The following NPSR1 variants were observed in gnomAD, a reference collection of about 807,000 sequenced individuals.
NPSR1 encodes neuropeptide S receptor 1.
NPSR1 carries 48 observed loss-of-function variants against 46.9 expected under a neutral mutation model. The ratio of observed to expected loss-of-function variants is 1.02; its 90% CI spans 0.81 to 1.30. The LOEUF (loss-of-function observed/expected upper bound fraction) is 1.30. Among genes scored for constraint, NPSR1 ranks in the 50% most tolerant of loss-of-function variants. The probability of loss-of-function intolerance (pLI) is 0.00; values close to 1 mark genes in which losing one functional copy is unlikely to be tolerated. For missense variants in NPSR1, 450 were observed against 449.5 expected, an observed-to-expected ratio of 1.00 and a Z score of -0.01; for synonymous variants, 176 against 168.1, an observed-to-expected ratio of 1.05 and a Z score of -0.36.
At chr7:34,680,942 T>G (rs1320650601) in intron 1 of NPSR1, among the ~76,000 whole-genome samples, 201 of 109,956 alleles carry the variant, frequency 1.8e-3, no homozygotes, top group African/African-American at 5.7e-3. Context: ...TGATAAAGGT[T>G]TTTTTTTTTT....
At chr7:34,687,634 C>G (rs908975602) in intron 2 of NPSR1, among the ~76,000 whole-genome samples, 8 of 152,136 alleles carry the variant, frequency 5.3e-5, no homozygotes, top group Non-Finnish European at 8.8e-5. Flanking sequence ...ATTACCTCCA[C>G]CTGGTCCTGC....
chr7:34,761,106 C>T (rs1036020212), intron 2 of NPSR1: 1 of 152,826 alleles, frequency 6.5e-6, no homozygotes, highest in Non-Finnish European at 1.5e-5. Context: ...CCCCTTCCTC[C>T]CTTACCTCCT....
intron 2 of NPSR1, among the ~76,000 whole-genome samples, chr7:34,762,407 A>T (rs548074282): frequency 6.6e-6 from 1 of 152,266 alleles, no homozygotes; most frequent in Admixed American, 6.5e-5. Flanking sequence ...AAACATAGAC[A>T]TATACTTTTG....
intron 2 of NPSR1, among the ~76,000 whole-genome samples, chr7:34,690,726 G>A (rs1028787459): frequency 2.0e-5 from 3 of 152,066 alleles, no homozygotes; most frequent in Admixed American, 6.6e-5. Flanking sequence ...TGATAAATAC[G>A]GGATTATGTA....
At chr7:34,810,418 A>G (rs946857748) in intron 3 of NPSR1, among the ~76,000 whole-genome samples, 55 of 152,196 alleles carry the variant, frequency 3.6e-4, no homozygotes, top group African/African-American at 1.3e-3. Context: ...TAATTATGCA[A>G]AAAAAGATTG....
At chr7:34,871,065 A>C (rs1364654318) in intron 8 of NPSR1, among the ~76,000 whole-genome samples, 1 of 151,826 alleles carries the variant, frequency 6.6e-6, no homozygotes, top group Non-Finnish European at 1.5e-5. Flanking sequence ...TGATATAAAC[A>C]AGTATCTGGG....
Position 34,738,327 on chromosome 7 carries a change from T to G in NPSR1, c.281-40135T>G, listed in dbSNP as rs1412312195. Among the ~76,000 whole-genome samples, 3 of 152,314 alleles carry G rather than the reference T, an allele frequency of 2.0e-5. No homozygotes were observed. In the East Asian group the frequency reaches 5.8e-4, roughly 29 times the overall value. On this transcript the variant is annotated intron_variant, in intron 2 of 8. Transcript: ENST00000360581. ...GTAAAACAATCTGGGCCTGATGCTT[T>G]CTTTCTAGGAATATTTTACACTAAC...
intron 4 of NPSR1, among the ~76,000 whole-genome samples, chr7:34,815,630 T>TAAAATGAAGGAA (rs1789208823): frequency 6.6e-6 from 1 of 151,956 alleles, no homozygotes; most frequent in Non-Finnish European, 1.5e-5. Flanking sequence ...TCACCAAGGT[T>TAAAATGAAGGAA]AAAATGAAGG....
intron 8 of NPSR1, among the ~76,000 whole-genome samples, chr7:34,857,400 C>A (rs776116699): frequency 6.6e-6 from 1 of 151,650 alleles, no homozygotes; most frequent in African/African-American, 2.4e-5. Flanking sequence ...GTGGTATGGG[C>A]GCTAAAGTAG....
At chr7:34,784,434 G>T (rs544046056) in intron 3 of NPSR1, among the ~76,000 whole-genome samples, 2 of 152,060 alleles carry the variant, frequency 1.3e-5, no homozygotes, top group African/African-American at 2.4e-5. Context: ...TGCATCTATT[G>T]AGATAATCAT....
intron 3 of NPSR1, among the ~76,000 whole-genome samples, chr7:34,792,719 A>ATATATGTATATATATATTTTTT (rs1787983505): frequency 8.1e-6 from 1 of 123,386 alleles, no homozygotes; most frequent in Non-Finnish European, 1.7e-5. Context: ...ATATATTTAT[A>ATATATGTATATATATATTTTTT]TATATATATA....
chr7:34,830,069 T>C (rs993050030), intron 5 of NPSR1, among the ~76,000 whole-genome samples: 2 of 152,244 alleles, frequency 1.3e-5, no homozygotes, highest in Non-Finnish European at 2.9e-5. Context: ...AACAACTATC[T>C]TCTCAAACAA....
intron 2 of NPSR1, among the ~76,000 whole-genome samples, chr7:34,705,087 T>G (rs768315493): frequency 3.3e-5 from 5 of 152,196 alleles, no homozygotes; most frequent in Admixed American, 1.3e-4. Flanking sequence ...TACATATTTT[T>G]TGCCTGTTTA....
Position 34,785,245 on chromosome 7 carries a change from AT to A in NPSR1, c.384+6682del, listed in dbSNP as rs770050514. Among the ~76,000 whole-genome samples, 257 of 152,010 alleles carry A rather than the reference AT, an allele frequency of 1.7e-3. 1 individual carries two copies. The highest frequency in any genetic ancestry group is 3.3e-3 in the Admixed American group (51 of 15,250). Reference sequence around the variant, plus strand: ...TGTCCTTTGTAGGGACACGGATGAAATTGGAAATCATCATTCTCAGTAAACT... The same window carrying A: ...TGTCCTTTGTAGGGACACGGATGAAATGGAAATCATCATTCTCAGTAAACT... On this transcript the variant is annotated intron_variant, in intron 3 of 8. Transcript: ENST00000360581.
intron 2 of NPSR1, among the ~76,000 whole-genome samples, chr7:34,758,678 A>C (rs1786005250): frequency 1.3e-5 from 2 of 152,180 alleles, no homozygotes; most frequent in Admixed American, 1.3e-4. Context: ...TATTCCTGAA[A>C]TGTTAATATT....
intron 3 of NPSR1, among the ~76,000 whole-genome samples, chr7:34,795,619 CA>C (rs1463543235): frequency 3.3e-5 from 5 of 151,914 alleles, no homozygotes; most frequent in Non-Finnish European, 7.4e-5. Flanking sequence ...CCGCAATAAA[CA>C]AGTATAATTT....
chr7:34,684,456 T>TG, intron 1 of NPSR1, 96 bp from the exon 2 acceptor site: 1 of 1,207,836 alleles, frequency 8.3e-7, no homozygotes, highest in South Asian at 1.4e-5. Context: ...TAGGGATATG[T>TG]GGCTAGGAGG....
intron 1 of NPSR1, among the ~76,000 whole-genome samples, chr7:34,661,770 TC>T (rs1791464091): frequency 6.6e-6 from 1 of 152,186 alleles, no homozygotes; most frequent in Non-Finnish European, 1.5e-5. Flanking sequence ...AGACCCTGGC[TC>T]CCTTCACAGT....
At chr7:34,835,303 TCACA>T (rs1398246014) in intron 6 of NPSR1, among the ~76,000 whole-genome samples, 3 of 152,126 alleles carry the variant, frequency 2.0e-5, no homozygotes, top group Non-Finnish European at 4.4e-5. Flanking sequence ...ACACTCAGTC[TCACA>T]CACACTAACA....
Sources: allele counts gnomAD v4.1 joint callset (sites outside exome capture counted in the v4.1 genomes callset), GRCh38; gene constraint gnomAD v4.1.1; transcripts MANE v1.5; gene names NCBI Gene and HGNC (gene_info 2026-07-23, HGNC 2026-07-21).